The following SPATS1 variants were observed in gnomAD, a reference collection of about 807,000 sequenced individuals.
SPATS1 encodes the protein spermatogenesis associated serine rich 1, also known as spermatogenesis-associated serine-rich protein 1.
Under a neutral mutation model 33.6 loss-of-function variants are expected in SPATS1, and 23 were observed. That is an observed-to-expected ratio of 0.68 (90% CI 0.49 to 0.97). The LOEUF (loss-of-function observed/expected upper bound fraction) is 0.97. Ranked by LOEUF, SPATS1 falls within the 50% of genes least tolerant of loss-of-function variation. SPATS1 has a pLI of 0.00. For missense variants in SPATS1, 327 were observed against 361.0 expected (o/e 0.91, Z 0.76); for synonymous variants, 131 against 125.6 (o/e 1.04, Z -0.29).
At chr6:44,374,291 G>A (rs531968051) in intron 7 of SPATS1, among the ~76,000 whole-genome samples, 59 of 152,130 alleles carry the variant, frequency 3.9e-4, no homozygotes, top group Non-Finnish European at 7.5e-4. Context: ...TTGTTCACTT[G>A]GCCTAGTTTG....
chr6:44,347,506 C>T (rs947335779), intron 2 of SPATS1, among the ~76,000 whole-genome samples: 1 of 152,058 alleles, frequency 6.6e-6, no homozygotes, highest in Non-Finnish European at 1.5e-5. Flanking sequence ...CAAATCTATG[C>T]CTCTTTTCCT....
chr6:44,377,806 T>C lies in SPATS1; in HGVS notation c.*743T>C, dbSNP rs1790038169. The C allele has an allele frequency of 1.3e-5, 2 of 152,438 alleles. No homozygotes were observed. The highest frequency in any genetic ancestry group is 2.4e-5 in the African/African-American group (1 of 41,574). 9.4% of individuals were successfully genotyped at this position (152,438 alleles called of 1,614,324 possible). A position where few individuals can be genotyped will look rare whatever the true frequency, so the allele number is the denominator to read the frequency against. On this transcript the variant is annotated 3_prime_UTR_variant, in exon 9 of 9. Transcript: ENST00000674044. Reference sequence around the variant, plus strand: ...TGAGCTAGTCCTCTGGGGTCTCTTTTACAAGGGCACTAATCTCATTCATGA... The same window carrying C: ...TGAGCTAGTCCTCTGGGGTCTCTTTCACAAGGGCACTAATCTCATTCATGA...
In SPATS1 at chr6:44,364,879, C is replaced by A. The variant is rs1156732363; in HGVS notation, c.574+2887C>A. Among the ~76,000 whole-genome samples, 3 of 151,744 alleles carry A rather than the reference C, an allele frequency of 2.0e-5. No homozygotes were observed. In the East Asian group the frequency reaches 5.8e-4, roughly 29 times the overall value. ...GTAGCGTGACCTTGGCTCACTGCAA[C>A]CTCCGCCCACTGAGTTCAAGCAATT... On this transcript the variant is annotated intron_variant, in intron 5 of 8. Coordinates refer to ENST00000674044, the MANE Select transcript of SPATS1 (RefSeq NM_001372081.1).
chr6:44,358,482 T>C (rs535289206), intron 3 of SPATS1, among the ~76,000 whole-genome samples: 26 of 152,266 alleles, frequency 1.7e-4, no homozygotes, highest in Non-Finnish European at 7.3e-5. Context: ...CTTCTTTACA[T>C]ACTTATTGAT....
chr6:44,353,195 G>A (rs982683660), intron 3 of SPATS1, among the ~76,000 whole-genome samples: 2 of 152,158 alleles, frequency 1.3e-5, no homozygotes, highest in Non-Finnish European at 2.9e-5. Context: ...TTGCTATTAC[G>A]AAGTTCAAAA....
chr6:44,354,466 A>G (rs745450116), intron 3 of SPATS1, among the ~76,000 whole-genome samples: 1 of 151,800 alleles, frequency 6.6e-6, no homozygotes, highest in Non-Finnish European at 1.5e-5. Context: ...CACATAAAAT[A>G]TATATTTATT....
intron 3 of SPATS1, among the ~76,000 whole-genome samples, chr6:44,357,111 C>T (rs4714785): frequency 0.78 from 119,092 of 152,088 alleles, 46,733 homozygotes; most frequent in Admixed American, 0.81. Context: ...AACTGCAAGT[C>T]CTCCAGATCT....
intron 7 of SPATS1, 67 bp downstream of exon 7, chr6:44,370,180 T>A: frequency 6.9e-7 from 1 of 1,442,910 alleles, no homozygotes; most frequent in Admixed American, 1.7e-5. Flanking sequence ...TATTGTTTCC[T>A]TATGTGGAGG....
chr6:44,348,038 ACT>A (rs1788007577), intron 2 of SPATS1, among the ~76,000 whole-genome samples: 1 of 148,672 alleles, frequency 6.7e-6, no homozygotes, highest in Non-Finnish European at 1.5e-5. Flanking sequence ...ATGGAGTCTC[ACT>A]CTGTTGCTCA....
At chr6:44,352,437 C>T (rs994806079) in intron 2 of SPATS1, among the ~76,000 whole-genome samples, 23 of 152,018 alleles carry the variant, frequency 1.5e-4, no homozygotes, top group Admixed American at 5.9e-4. Context: ...TGAGCCACCA[C>T]GCCGGGCCTA....
chr6:44,343,810 G>GA (rs1385857329), intron 2 of SPATS1, among the ~76,000 whole-genome samples: 2 of 152,210 alleles, frequency 1.3e-5, no homozygotes, highest in Admixed American at 6.5e-5. Flanking sequence ...CAGTCTCCCA[G>GA]AAAAGCTCAG....
At position 44,343,198 on chromosome 6, in the gene SPATS1, A is replaced by C; in HGVS notation, c.103A>C (p.Arg35=). ...GRQLEKVPEK[R]DSGMTEVERT... is the part of the protein sequence containing the mutation. ...ACAGCTGGAGAAGGTTCCAGAAAAA[A>C]GGGACTCTGGCATGACCGAGGTGGA... Residue 35 remains arginine (R), a synonymous_variant, in exon 2 of 9, where the codon AGG becomes CGG. Transcript: ENST00000674044. 6.2e-7 allele frequency: 1 copy of C among 1,613,818 alleles called. No homozygotes were observed. The highest frequency in any genetic ancestry group is 8.5e-7 in the Non-Finnish European group (1 of 1,179,880).
chr6:44,359,565 A>C (rs1158201216), intron 3 of SPATS1, among the ~76,000 whole-genome samples: 1 of 151,870 alleles, frequency 6.6e-6, no homozygotes, highest in Non-Finnish European at 1.5e-5. Context: ...GCATCACTAC[A>C]TCATTCCTTT....
In SPATS1 at chr6:44,351,258, T is replaced by G. The variant is rs988564603; in HGVS notation, c.140-1468T>G. On this transcript the variant is annotated intron_variant, in intron 2 of 8. Coordinates refer to ENST00000674044, the MANE Select transcript of SPATS1 (RefSeq NM_001372081.1). ...GGTATTACAAGTAATCTAGAGATGA[T>G]TTACAGTACAGCATACAGGAGGATG... 2.0e-5 allele frequency among the ~76,000 whole-genome samples: 3 copies of G among 152,122 alleles called. No individual in the cohort carries two copies. The South Asian group carries it at 6.2e-4, about 31-fold the overall frequency.
chr6:44,367,816 C>A (rs1012707929), intron 5 of SPATS1, among the ~76,000 whole-genome samples: 1 of 152,202 alleles, frequency 6.6e-6, no homozygotes, highest in Admixed American at 6.5e-5. Flanking sequence ...TGATTAGTTT[C>A]TTGTTCCCAG....
At chr6:44,352,967 G>A (rs769527512) in intron 3 of SPATS1, 94 bp downstream of exon 3, 72 of 1,368,750 alleles carry the variant, frequency 5.3e-5, no homozygotes, top group Non-Finnish European at 6.1e-5. Context: ...CTTGGCAAGA[G>A]CATGGATTCT....
intron 7 of SPATS1, among the ~76,000 whole-genome samples, chr6:44,370,423 T>A (rs964682931): frequency 6.6e-6 from 1 of 152,086 alleles, no homozygotes; most frequent in Admixed American, 6.6e-5. Context: ...AACATGAGTA[T>A]GTTGGGAAAA....
At chr6:44,352,043 A>G (rs1425906071) in intron 2 of SPATS1, among the ~76,000 whole-genome samples, 1 of 152,312 alleles carries the variant, frequency 6.6e-6, no homozygotes, top group Middle Eastern at 3.4e-3. Flanking sequence ...GGTGAACTAT[A>G]TGTAGGGGCA....
intron 7 of SPATS1, among the ~76,000 whole-genome samples, chr6:44,373,383 C>T (rs1313293609): frequency 6.6e-6 from 1 of 152,204 alleles, no homozygotes; most frequent in Non-Finnish European, 1.5e-5. Flanking sequence ...TTATTTCATA[C>T]ATTTTGTCCA....
Sources: gnomAD v4.1 joint callset for allele counts (sites outside exome capture counted in the v4.1 genomes callset) on GRCh38, gnomAD v4.1.1 for gene constraint, MANE v1.5 for transcripts, NCBI Gene and HGNC (gene_info 2026-07-23, HGNC 2026-07-21) for gene names.